PZP: variants seen among roughly 807,000 people sequenced by gnomAD.
PZP encodes the protein pregnancy zone protein.
PZP carries 150 observed loss-of-function variants against 179.8 expected under a neutral mutation model. The observed-to-expected ratio is 0.83, with a 90% CI of 0.73 to 0.96. PZP has a LOEUF of 0.96. Among genes scored for constraint, PZP ranks in the 40% least tolerant of loss-of-function variants. The pLI is 0.00. For synonymous variants in PZP, 624 were observed against 652.3 expected (o/e 0.96, Z 0.66); for missense variants, 1,689 against 1,764.0 (o/e 0.96, Z 0.76).
At position 9,196,360 on chromosome 12, in the gene PZP, G is replaced by A. The variant is rs749226154; in HGVS notation, c.1062C>T (p.His354=). Residue 354 remains histidine, a synonymous_variant, in exon 10 of 36, where the codon CAC becomes CAT. Coordinates refer to ENST00000261336, the MANE Select transcript of PZP (RefSeq NM_002864.3). ...SKLKFVKVDS[H]FRQGIPFFAQ... Reference sequence around the variant, plus strand: ...CAAAAAAGGGGATTCCTTGTCTAAAGTGTGAATCCACTTTCACGAATTTGA... The same window carrying A: ...CAAAAAAGGGGATTCCTTGTCTAAAATGTGAATCCACTTTCACGAATTTGA... 1.9e-6 allele frequency: 3 copies of A among 1,612,566 alleles called. No homozygotes were observed. The highest frequency in any genetic ancestry group is 3.3e-5 in the Admixed American group (2 of 59,992).
chr12:9,181,688 A>G (rs1464390810), intron 14 of PZP, among the ~76,000 whole-genome samples: 1 of 152,190 alleles, frequency 6.6e-6, no homozygotes, highest in Admixed American at 6.5e-5. Flanking sequence ...CTTATTCTTC[A>G]GGTTTTGGGA....
Position 9,154,690 on chromosome 12 carries a change from G to A in PZP, c.3700C>T (p.Leu1234=). 1.2e-6 allele frequency: 2 copies of A among 1,614,164 alleles called. No individual in the cohort carries two copies. Among genetic ancestry groups the A allele is most frequent in the Non-Finnish European group, 1.7e-6 (2 of 1,180,036 alleles). ...TAQPAPTSGD[L]TSATNIVKWI... is the part of the protein sequence containing the mutation. ...TTCACAATGTTAGTTGCAGAGGTCA[G>A]GTCCCCTGAGGTGGGGGCTGGCTGG... Residue 1234 remains leucine (L), a synonymous_variant, in exon 29 of 36, where the codon CTG becomes TTG. Coordinates refer to ENST00000261336, the MANE Select transcript of PZP (RefSeq NM_002864.3).
At chr12:9,201,944 A>G (rs943161368) in intron 4 of PZP, among the ~76,000 whole-genome samples, 1 of 152,134 alleles carries the variant, frequency 6.6e-6, no homozygotes, top group Non-Finnish European at 1.5e-5. Context: ...AAATTATAAT[A>G]TGGTCTATTG....
chr12:9,163,284 C>T (rs1425070111), intron 21 of PZP, among the ~76,000 whole-genome samples: 1 of 96,658 alleles, frequency 1.0e-5, no homozygotes, highest in Non-Finnish European at 2.1e-5. Flanking sequence ...AACCCCGTCT[C>T]TACTAAAAAT....
chr12:9,201,225 T>G, intron 5 of PZP, 102 bp downstream of exon 5: 2 of 1,333,144 alleles, frequency 1.5e-6, no homozygotes, highest in Non-Finnish European at 2.1e-6. Flanking sequence ...GGAATTCAGA[T>G]CTGAAAATTT....
At chr12:9,179,213 T>C (rs1456694907) in intron 15 of PZP, among the ~76,000 whole-genome samples, 2 of 152,220 alleles carry the variant, frequency 1.3e-5, no homozygotes, top group Non-Finnish European at 1.5e-5. Context: ...CTGATAATTA[T>C]TCTTCAAAAA....
At chr12:9,196,290 C>G in intron 10 of PZP, 40 bp downstream of exon 10, 1 of 1,428,128 alleles carries the variant, frequency 7.0e-7, no homozygotes, top group Non-Finnish European at 9.9e-7. Context: ...TTAGGTGCAA[C>G]TGGATACTTT....
At chr12:9,172,024 C>T (rs1033998392) in intron 15 of PZP, among the ~76,000 whole-genome samples, 5 of 152,034 alleles carry the variant, frequency 3.3e-5, no homozygotes, top group South Asian at 4.2e-4. Flanking sequence ...AACATCAACC[C>T]AAAGACACAA....
intron 28 of PZP, among the ~76,000 whole-genome samples, chr12:9,155,462 T>C (rs183481641): frequency 2.0e-5 from 3 of 151,422 alleles, no homozygotes; most frequent in African/African-American, 7.3e-5. Context: ...ATTAAAACTT[T>C]TGATTCTTGT....
chr12:9,181,436 T>C (rs1277037875), intron 14 of PZP, among the ~76,000 whole-genome samples: 2 of 152,216 alleles, frequency 1.3e-5, no homozygotes, highest in East Asian at 3.8e-4. Flanking sequence ...ACTCCAGTGA[T>C]CAAAAGTGAT....
chr12:9,192,864 G>T, intron 11 of PZP, 125 bp from the exon 12 acceptor site: 1 of 576,004 alleles, frequency 1.7e-6, no homozygotes, highest in Non-Finnish European at 3.0e-6. Flanking sequence ...CCCTCATACT[G>T]GTCGACAGCC....
chr12:9,185,790 A>ATTTCTTTTCTTTTCTTTTAT (rs1943063938), intron 13 of PZP, among the ~76,000 whole-genome samples: 1 of 134,266 alleles, frequency 7.4e-6, no homozygotes, highest in Admixed American at 7.8e-5. Flanking sequence ...TATGTTCAAC[A>ATTTCTTTTCTTTTCTTTTAT]TTTCTTTTCT....
intron 17 of PZP, among the ~76,000 whole-genome samples, chr12:9,167,764 G>A (rs186491602): frequency 2.0e-5 from 3 of 151,848 alleles, no homozygotes; most frequent in Admixed American, 6.6e-5. Context: ...ATTATATGCC[G>A]TCAATTTTCC....
intron 23 of PZP, 87 bp from the exon 24 acceptor site, chr12:9,160,577 G>T: frequency 7.9e-6 from 7 of 884,776 alleles, no homozygotes; most frequent in Non-Finnish European, 1.2e-5. Context: ...TATATTCAGA[G>T]TCTATCATTT....
chr12:9,186,396 G>A (rs1019747928), intron 13 of PZP, among the ~76,000 whole-genome samples: 13 of 152,112 alleles, frequency 8.5e-5, no homozygotes, highest in East Asian at 3.9e-4. Flanking sequence ...TCAAATTCAC[G>A]CATCTCAATA....
Position 9,165,215 on chromosome 12 carries a change from A to T in PZP, c.2411T>A (p.Met804Lys). ...AFQPFFVELT[M>K]PYSVIRGEVF... ...CTCTCCACGAATCACAGAGTAAGGC[A>T]TTGTGAGCTCCACAAAGAAGGGCTG... The change falls in exon 19 of 36, where the codon ATG becomes AAG. Residue 804 changes from methionine (M) to lysine (K), a missense_variant. Met to Lys is a moderately conservative substitution (Grantham distance 95). Around this residue, in one of 3 missense-constraint regions of PZP, gnomAD observed 201 missense variants for 284.2 expected, o/e 0.71. Coordinates refer to ENST00000261336, the MANE Select transcript of PZP (RefSeq NM_002864.3). 6.2e-7 allele frequency: 1 copy of T among 1,614,202 alleles called. No homozygotes were observed. The highest frequency in any genetic ancestry group is 8.5e-7 in the Non-Finnish European group (1 of 1,180,030).
chr12:9,150,607 G>C (rs745893284), intron 34 of PZP, 37 bp downstream of exon 34: 13 of 1,355,760 alleles, frequency 9.6e-6, no homozygotes, highest in Non-Finnish European at 1.0e-5. Context: ...CCATTTCTTG[G>C]CTCTGGTTAA....
In PZP at chr12:9,158,459, A is replaced by G; in HGVS notation, c.3255T>C (p.Cys1085=). 6.2e-7 allele frequency: 1 copy of G among 1,613,984 alleles called. No homozygotes were observed. Among genetic ancestry groups the G allele is most frequent in the South Asian group, 1.1e-5 (1 of 91,078 alleles). The change falls in exon 26 of 36, where the codon TGT becomes TGC. Residue 1085 remains cysteine (C), a synonymous_variant. Transcript: ENST00000261336. ...WLSQMQKDNG[C]FRSSGSLLNN... ...TGAGCAGTGACCCAGAGCTCCTGAAACAGCCATTGTCCTTCTGCATCTGGG... is the reference window on the plus strand; with the variant it reads ...TGAGCAGTGACCCAGAGCTCCTGAAGCAGCCATTGTCCTTCTGCATCTGGG...
At position 9,153,512 on chromosome 12, in the gene PZP, C is replaced by A. The variant is rs2120542706; in HGVS notation, c.3775-169G>T. ...TCTGCCTTTCAGACATTATCAAAAT[C>A]ATGCTGCAGTTTCTCCAAATGAAAT... On this transcript the variant is annotated intron_variant, in intron 29 of 35. Transcript: ENST00000261336. 1.3e-5 allele frequency among the ~76,000 whole-genome samples: 2 copies of A among 152,340 alleles called. 1 individual carries two copies. Among genetic ancestry groups the A allele is most frequent in the South Asian group, 4.1e-4 (2 of 4,830 alleles).
Sources: gnomAD v4.1 joint callset for allele counts (sites outside exome capture counted in the v4.1 genomes callset) on GRCh38, gnomAD v4.1.1 for gene constraint, gnomAD v4.1.1 regional missense constraint, MANE v1.5 for transcripts, NCBI Gene and HGNC (gene_info 2026-07-23, HGNC 2026-07-21) for gene names.